The following PSD3 variants were observed in gnomAD, a reference collection of about 807,000 sequenced individuals.
PSD3 encodes the protein PH and SEC7 domain-containing protein 3.
Under a neutral mutation model 105.5 loss-of-function variants are expected in PSD3, and 49 were observed. The ratio of observed to expected loss-of-function variants is 0.46; its 90% CI spans 0.37 to 0.59. The LOEUF (loss-of-function observed/expected upper bound fraction) is 0.59. PSD3 is among the 20% of genes least tolerant of loss of function. The pLI, the probability that PSD3 is intolerant of heterozygous loss-of-function variation, is 0.00. For missense variants in PSD3, 1,561 were observed against 1,263.8 expected, an observed-to-expected ratio of 1.24 and a Z score of -3.57; for synonymous variants, 557 against 457.8, an observed-to-expected ratio of 1.22 and a Z score of -2.77.
intron 4 of PSD3, among the ~76,000 whole-genome samples, chr8:18,825,377 C>T (rs1813091048): frequency 6.6e-6 from 1 of 152,178 alleles, no homozygotes; most frequent in Non-Finnish European, 1.5e-5. Flanking sequence ...CAGGTACCAC[C>T]CCCAAGAGTC....
At chr8:18,951,341 A>G (rs1207659860) in intron 1 of PSD3, among the ~76,000 whole-genome samples, 3 of 152,120 alleles carry the variant, frequency 2.0e-5, no homozygotes, top group African/African-American at 7.2e-5. Context: ...ATTAAAGGCT[A>G]CAGTGAGGTA....
intron 9 of PSD3, among the ~76,000 whole-genome samples, chr8:18,764,305 T>C (rs984699930): frequency 5.9e-5 from 9 of 152,172 alleles, no homozygotes; most frequent in African/African-American, 1.7e-4. Flanking sequence ...ATGTAAAACA[T>C]CTTTATCACG....
chr8:18,653,370 A>T (rs1004450614), intron 10 of PSD3, among the ~76,000 whole-genome samples: 1 of 93,438 alleles, frequency 1.1e-5, no homozygotes, highest in East Asian at 3.4e-4. Context: ...AAAAAAAGAC[A>T]AAAAAAAAAA....
chr8:18,753,541 A>G (rs932438387), intron 9 of PSD3, among the ~76,000 whole-genome samples: 3 of 152,232 alleles, frequency 2.0e-5, no homozygotes, highest in Middle Eastern at 3.4e-3. Flanking sequence ...GCTGCTATCT[A>G]TGGAAAGTTT....
chr8:18,841,731 T>G (rs1266402729), intron 4 of PSD3, among the ~76,000 whole-genome samples: 1 of 152,164 alleles, frequency 6.6e-6, no homozygotes, highest in African/African-American at 2.4e-5. Flanking sequence ...CTAACATGAA[T>G]GAACCATCTT....
At chr8:18,755,569 T>C (rs1229210416) in intron 9 of PSD3, among the ~76,000 whole-genome samples, 1 of 152,144 alleles carries the variant, frequency 6.6e-6, no homozygotes, top group African/African-American at 2.4e-5. Context: ...ATGATCAAAT[T>C]GAAAATAAAT....
In PSD3 at chr8:18,571,681, AT is replaced by A. The variant is rs376021851; in HGVS notation, c.2784+846del. Among the ~76,000 whole-genome samples, 952 of 152,334 alleles carry A rather than the reference AT, an allele frequency of 6.2e-3. 8 individuals carry two copies. The highest frequency in any genetic ancestry group is 0.022 in the African/African-American group (920 of 41,578). On this transcript the variant is annotated intron_variant, in intron 14 of 15. Coordinates refer to ENST00000327040, the MANE Select transcript of PSD3 (RefSeq NM_015310.4). ...TACATATTTATTAAATTAATCTATC[AT>A]TGATAATTGCTCCCTCTCTTGCCAT...
chr8:18,600,706 G>C (rs1456497433), intron 11 of PSD3, among the ~76,000 whole-genome samples: 1 of 152,112 alleles, frequency 6.6e-6, no homozygotes, highest in Non-Finnish European at 1.5e-5. Context: ...ACTTGCTAAT[G>C]GTCCCACAAC....
rs528910976 is a variant in PSD3 at position 19,055,579 on chromosome 8, C to T, written c.324+28627G>A. On this transcript the variant is annotated intron_variant, in intron 1 of 1. Transcript: ENST00000521475. ...ATTTGTAGACTTTTTTTTCACTGGT[C>T]TGCATCATTAATCCTTGGGAGAAAG... 2.0e-5 allele frequency among the ~76,000 whole-genome samples: 3 copies of T among 152,218 alleles called. No homozygotes were observed. In the East Asian group the frequency reaches 5.8e-4, roughly 29 times the overall value.
chr8:18,737,450 G>A lies in PSD3; in HGVS notation c.2172+27999C>T, dbSNP rs545856809. Among the ~76,000 whole-genome samples, 44 of 152,146 alleles carry A rather than the reference G, an allele frequency of 2.9e-4. 1 individual carries two copies. The highest frequency in any genetic ancestry group is 3.4e-3 in the Middle Eastern group (1 of 294). On this transcript the variant is annotated intron_variant, in intron 9 of 15. Coordinates refer to ENST00000327040, the MANE Select transcript of PSD3 (RefSeq NM_015310.4). ...AGCGATCCTCCCACCTCAGCCTCCC[G>A]AGAGGTGGGACTTACTTTTTTAAAT... is the stretch of plus-strand genomic sequence containing the variant.
chr8:19,073,822 G>A (rs1422034402), intron 1 of PSD3, among the ~76,000 whole-genome samples: 4 of 147,262 alleles, frequency 2.7e-5, no homozygotes, highest in South Asian at 2.1e-4. Context: ...ACAGAATCTC[G>A]CTCTGTCGCC....
chr8:19,081,731 A>G (rs1829652281), intron 1 of PSD3, among the ~76,000 whole-genome samples: 2 of 152,184 alleles, frequency 1.3e-5, no homozygotes, highest in Non-Finnish European at 2.9e-5. Context: ...AAGATTTTTT[A>G]CTATGGAGCC....
intron 2 of PSD3, among the ~76,000 whole-genome samples, chr8:18,904,012 C>T (rs1026921740): frequency 6.6e-6 from 1 of 152,084 alleles, no homozygotes; most frequent in Non-Finnish European, 1.5e-5. Context: ...AAGGAACACC[C>T]GAAACTGAGT....
chr8:18,775,038 A>G (rs1450821627), intron 8 of PSD3: 5 of 451,938 alleles, frequency 1.1e-5, no homozygotes, highest in African/African-American at 1.0e-4. Flanking sequence ...CCTTCTGGTA[A>G]CCACCAATCT....
At chr8:18,703,530 G>A (rs975094089) in intron 9 of PSD3, among the ~76,000 whole-genome samples, 15 of 152,038 alleles carry the variant, frequency 9.9e-5, no homozygotes, top group Non-Finnish European at 2.1e-4. Flanking sequence ...CTCTAGAAAC[G>A]TACCATTTTG....
intron 8 of PSD3, among the ~76,000 whole-genome samples, chr8:18,788,867 A>G (rs529053072): frequency 2.0e-5 from 3 of 152,316 alleles, no homozygotes; most frequent in South Asian, 2.1e-4. Context: ...TTGCTATCAA[A>G]TAAGTTTGAT....
chr8:18,916,551 G>A (rs946282181), intron 2 of PSD3, among the ~76,000 whole-genome samples: 3 of 151,864 alleles, frequency 2.0e-5, no homozygotes, highest in Non-Finnish European at 4.4e-5. Flanking sequence ...CAGTAGCAAA[G>A]AGTACGATGG....
rs1443576760 is a variant in PSD3, at chr8:18,533,596, GA to G, written c.*2146del. 3.3e-5 allele frequency: 5 copies of G among 152,158 alleles called. No individual in the cohort carries two copies. The highest frequency in any genetic ancestry group is 1.2e-4 in the African/African-American group (5 of 41,436). 9.4% of individuals were successfully genotyped at this position (152,158 alleles called of 1,614,324 possible). ...TACATACAGACATTCTATATACATA[GA>G]TATAGACTGTGGGCAAACACATTCA... On this transcript the variant is annotated 3_prime_UTR_variant, in exon 16 of 16. Coordinates refer to ENST00000327040, the MANE Select transcript of PSD3 (RefSeq NM_015310.4).
chr8:18,933,917 C>T lies in PSD3; in HGVS notation c.130+2117G>A, dbSNP rs180890456. ...ACAAACAGCATAAATGGCTACAATA[C>T]ATGTTAAGTATAAGAGATATACTAC... On this transcript the variant is annotated intron_variant, in intron 2 of 15. Transcript: ENST00000327040. Among the ~76,000 whole-genome samples, 171 of 152,302 alleles carry T rather than the reference C, an allele frequency of 1.1e-3. 1 individual carries two copies. Among genetic ancestry groups the T allele is most frequent in the African/African-American group, 3.9e-3 (164 of 41,564 alleles).
Sources: allele counts gnomAD v4.1 joint callset (sites outside exome capture counted in the v4.1 genomes callset), GRCh38; gene constraint gnomAD v4.1.1; transcripts MANE v1.5; gene names NCBI Gene and HGNC (gene_info 2026-07-23, HGNC 2026-07-21).